GOLPH3: variants seen among roughly 807,000 people sequenced by gnomAD.
GOLPH3 encodes golgi phosphoprotein 3, also known as coat protein GPP34.
A neutral mutation model predicts 28.5 loss-of-function variants in GOLPH3; 14 were observed. The ratio of observed to expected loss-of-function variants is 0.49; its 90% CI spans 0.32 to 0.77. GOLPH3 has a LOEUF of 0.77. GOLPH3 is among the 30% of genes least tolerant of loss of function. The pLI, the probability that GOLPH3 is intolerant of heterozygous loss-of-function variation, is 0.03. For missense variants in GOLPH3, 350 were observed against 393.7 expected (o/e 0.89, Z 0.94); for synonymous variants, 158 against 159.2 (o/e 0.99, Z 0.06).
At chr5:32,164,998 C>A (rs568763700) in intron 1 of GOLPH3, among the ~76,000 whole-genome samples, 18 of 146,672 alleles carry the variant, frequency 1.2e-4, no homozygotes, top group African/African-American at 4.4e-4. Flanking sequence ...CTCCTGGGTT[C>A]ATGTGATTCT....
intron 3 of GOLPH3, among the ~76,000 whole-genome samples, chr5:32,129,660 C>T (rs1299574114): frequency 1.3e-5 from 2 of 152,204 alleles, no homozygotes; most frequent in African/African-American, 4.8e-5. Context: ...TGGGGTATTT[C>T]ATAGGAAAGT....
chr5:32,155,930 C>T (rs1165158092), intron 1 of GOLPH3, among the ~76,000 whole-genome samples: 3 of 120,304 alleles, frequency 2.5e-5, no homozygotes, highest in Non-Finnish European at 3.2e-5. Context: ...GCACTCCAGC[C>T]GGGCAACAAG....
intron 3 of GOLPH3, among the ~76,000 whole-genome samples, chr5:32,128,236 C>T (rs532226075): frequency 9.2e-5 from 14 of 152,234 alleles, no homozygotes; most frequent in African/African-American, 3.1e-4. Flanking sequence ...AATGTGATTG[C>T]CAACTAGCCA....
In GOLPH3 at chr5:32,124,990, A is replaced by C. The variant is rs1381514966; in HGVS notation, c.*1222T>G. 4 of 152,672 alleles carry C rather than the reference A, an allele frequency of 2.6e-5. No individual in the cohort carries two copies. Among genetic ancestry groups the C allele is most frequent in the Admixed American group, 1.3e-4 (2 of 15,286 alleles). 9.5% of individuals were successfully genotyped at this position (152,672 alleles called of 1,614,324 possible). On this transcript the variant is annotated 3_prime_UTR_variant, in exon 4 of 4. Coordinates refer to ENST00000265070, the MANE Select transcript of GOLPH3 (RefSeq NM_022130.4). ...TGATACAATAAAGTGATAAAGAAAT[A>C]GTAAAAATAAACTTTAAAAAGCAAA...
chr5:32,161,865 A>C lies in GOLPH3; in HGVS notation c.225+11945T>G, dbSNP rs974667809. 5.3e-5 allele frequency among the ~76,000 whole-genome samples: 8 copies of C among 150,580 alleles called. 1 individual carries two copies. The highest frequency in any genetic ancestry group is 1.7e-4 in the African/African-American group (7 of 40,122). On this transcript the variant is annotated intron_variant, in intron 1 of 3. Coordinates refer to ENST00000265070, the MANE Select transcript of GOLPH3 (RefSeq NM_022130.4). ...ACACGGTGAGACCCCGCCTCTACTA[A>C]AAATACAAAAAATTAGCAGGGCATG...
At chr5:32,170,897 T>TA (rs936637179) in intron 1 of GOLPH3, among the ~76,000 whole-genome samples, 10 of 149,870 alleles carry the variant, frequency 6.7e-5, no homozygotes, top group Middle Eastern at 3.2e-3. Flanking sequence ...TGGACTTGCC[T>TA]AAAAAAAAAG....
chr5:32,127,309 T>C (rs1745704130), intron 3 of GOLPH3, among the ~76,000 whole-genome samples: 1 of 152,264 alleles, frequency 6.6e-6, no homozygotes, highest in Admixed American at 6.5e-5. Flanking sequence ...GGATTATGTG[T>C]GCTCAACTTT....
At chr5:32,169,387 T>C (rs1746783019) in intron 1 of GOLPH3, among the ~76,000 whole-genome samples, 1 of 152,164 alleles carries the variant, frequency 6.6e-6, no homozygotes, top group Non-Finnish European at 1.5e-5. Flanking sequence ...AGAACCATCA[T>C]ATGGAATGAC....
At chr5:32,138,191 C>CG (rs1372605028) in intron 2 of GOLPH3, among the ~76,000 whole-genome samples, 1 of 152,076 alleles carries the variant, frequency 6.6e-6, no homozygotes, top group Non-Finnish European at 1.5e-5. Flanking sequence ...CATGAGCCAT[C>CG]GTGCCCCACC....
intron 1 of GOLPH3, among the ~76,000 whole-genome samples, chr5:32,162,969 T>G (rs988404195): frequency 1.3e-5 from 2 of 152,118 alleles, no homozygotes; most frequent in Non-Finnish European, 2.9e-5. Flanking sequence ...TCCCAGCTAC[T>G]CGGGAGGCTG....
intron 1 of GOLPH3, among the ~76,000 whole-genome samples, chr5:32,170,897 TA>T (rs936637179): frequency 1.3e-5 from 2 of 149,874 alleles, no homozygotes; most frequent in African/African-American, 4.9e-5. Context: ...TGGACTTGCC[TA>T]AAAAAAAAGA....
chr5:32,170,485 G>C (rs902502779), intron 1 of GOLPH3, among the ~76,000 whole-genome samples: 1 of 152,176 alleles, frequency 6.6e-6, no homozygotes, highest in Non-Finnish European at 1.5e-5. Context: ...GATAAATGCT[G>C]AAGTAAAAAT....
intron 3 of GOLPH3, among the ~76,000 whole-genome samples, chr5:32,135,109 G>C (rs887723260): frequency 3.3e-5 from 5 of 152,214 alleles, no homozygotes; most frequent in African/African-American, 1.2e-4. Flanking sequence ...AAGAGCCAGA[G>C]TGATGTGCTA....
intron 2 of GOLPH3, among the ~76,000 whole-genome samples, chr5:32,140,217 A>G (rs151330788): frequency 5.4e-4 from 82 of 152,204 alleles, no homozygotes; most frequent in African/African-American, 1.9e-3. Flanking sequence ...GAAAAAACAG[A>G]AGGAGGCCCG....
At chr5:32,156,362 G>A (rs1746426622) in intron 1 of GOLPH3, among the ~76,000 whole-genome samples, 1 of 152,076 alleles carries the variant, frequency 6.6e-6, no homozygotes, top group South Asian at 2.1e-4. Context: ...AATGAGCCAG[G>A]TATGGTAGTG....
chr5:32,163,975 C>T (rs1015218562), intron 1 of GOLPH3, among the ~76,000 whole-genome samples: 3 of 152,144 alleles, frequency 2.0e-5, no homozygotes, highest in Non-Finnish European at 4.4e-5. Flanking sequence ...CCATTAGCAA[C>T]TTTTACATAC....
intron 1 of GOLPH3, among the ~76,000 whole-genome samples, chr5:32,151,218 C>CTT (rs34927671): frequency 0.015 from 2,000 of 135,320 alleles, 27 homozygotes; most frequent in African/African-American, 0.039. Context: ...AATAAAGTTG[C>CTT]TTTTTTTTTT....
rs1746133986 is a variant in GOLPH3 at position 32,143,763 on chromosome 5, G to A, written c.343C>T (p.Leu115=). The change falls in exon 2 of 4, where the codon CTA becomes TTA. Residue 115 remains leucine (L), a synonymous_variant. Coordinates refer to ENST00000265070, the MANE Select transcript of GOLPH3 (RefSeq NM_022130.4). The stretch of plus-strand genomic sequence containing the variant: ...ACTCCTCTTACCTTTCTTGTTAATA[G>A]ACTTTTACGTCTCATTCCACAAGCC... ...LEACGMRRKS[L]LTRKVICKSD... 6.2e-7 allele frequency: 1 copy of A among 1,607,578 alleles called. No homozygotes were observed. The highest frequency in any genetic ancestry group is 8.5e-7 in the Non-Finnish European group (1 of 1,178,000).
At chr5:32,166,782 G>C (rs575161943) in intron 1 of GOLPH3, among the ~76,000 whole-genome samples, 5 of 150,590 alleles carry the variant, frequency 3.3e-5, no homozygotes, top group Admixed American at 2.7e-4. Context: ...ACTTCAGCCC[G>C]AGTGATAAAA....
Sources: gnomAD v4.1 joint callset for allele counts (sites outside exome capture counted in the v4.1 genomes callset) on GRCh38, gnomAD v4.1.1 for gene constraint, MANE v1.5 for transcripts, NCBI Gene and HGNC (gene_info 2026-07-23, HGNC 2026-07-21) for gene names.